Variants in NCBP1 observed in about 807,000 individuals in gnomAD.
NCBP1 encodes the protein nuclear cap binding protein subunit 1, also known as nuclear cap-binding protein subunit 1.
Under a neutral mutation model 111.7 loss-of-function variants are expected in NCBP1, and 16 were observed. The observed-to-expected ratio is 0.14, with a 90% CI of 0.10 to 0.22. The LOEUF (loss-of-function observed/expected upper bound fraction) is 0.22. Among genes scored for constraint, NCBP1 ranks in the 10% least tolerant of loss-of-function variants. The pLI is 1.00. For missense variants in NCBP1, 607 were observed against 957.5 expected (o/e 0.63, Z 4.83); for synonymous variants, 304 against 314.3 (o/e 0.97, Z 0.35).
chr9:97,660,852 A>G (rs1445006342), intron 15 of NCBP1, 94 bp from the exon 16 acceptor site: 9 of 1,428,268 alleles, frequency 6.3e-6, no homozygotes, highest in Non-Finnish European at 6.5e-6. Context: ...GAAAGGAAGA[A>G]TTTAAAAAAA....
intron 19 of NCBP1, 69 bp from the exon 20 acceptor site, chr9:97,666,694 A>C: frequency 9.5e-7 from 1 of 1,052,216 alleles, no homozygotes; most frequent in Non-Finnish European, 1.4e-6. Context: ...GAAATTACAA[A>C]AGTTGAAAGA....
chr9:97,671,439 C>A lies in NCBP1; in HGVS notation c.*240C>A. On this transcript the variant is annotated 3_prime_UTR_variant, in exon 23 of 23. Transcript: ENST00000375147. ...ATTATATATGTGACAGATACAAATTCTCTGTGATCAGTTTGTTATTTTTTT... is the reference window on the plus strand; with the variant it reads ...ATTATATATGTGACAGATACAAATTATCTGTGATCAGTTTGTTATTTTTTT... 1 of 400,362 alleles carries A rather than the reference C, an allele frequency of 2.5e-6. No individual in the cohort carries two copies. The highest frequency in any genetic ancestry group is 4.5e-6 in the Non-Finnish European group (1 of 222,436). The allele number at this position is 400,362 out of a possible 1,614,324, so 24.8% of individuals were successfully genotyped here.
rs1827933506 is a variant in NCBP1, at chr9:97,664,435, C to T, written c.1893C>T (p.Asp631=). The T allele has an allele frequency of 1.3e-6, 2 of 1,596,804 alleles. No homozygotes were observed. The highest frequency in any genetic ancestry group is 1.7e-5 in the Admixed American group (1 of 59,802). Residue 631 remains aspartate (D), a synonymous_variant, in exon 19 of 23, where the codon GAC becomes GAT. Coordinates refer to ENST00000375147, the MANE Select transcript of NCBP1 (RefSeq NM_002486.5). ...NWIFSSELSR[D]FTRLFVWEIL... ...TCTTCTCTTCAGAACTATCTCGTGA[C>T]TTTACCAGGTAATATAAATTATTTT...
Position 97,645,627 on chromosome 9 carries a change from A to G in NCBP1, c.506A>G (p.Tyr169Cys). The G allele has an allele frequency of 6.2e-7, 1 of 1,613,792 alleles. No homozygotes were observed. The highest frequency in any genetic ancestry group is 1.1e-5 in the South Asian group (1 of 91,038). The change falls in exon 6 of 23, where the codon TAT becomes TGT. Residue 169 changes from tyrosine (Y) to cysteine (C), a missense_variant. Transcript: ENST00000375147. ...ATCCTTTAGGTGCGACGAGATTGGTATGTGTATGCATTTCTGTCATCTTTG... is the reference window on the plus strand; with the variant it reads ...ATCCTTTAGGTGCGACGAGATTGGTGTGTGTATGCATTTCTGTCATCTTTG... ...EDVPQVRRDW[Y>C]VYAFLSSLPW...
Position 97,633,837 on chromosome 9 carries a change from GCTTACCGC to G in NCBP1, c.-42_-35del. ...CCAGCGGCCAGACAGTTCCTGCAGC[GCTTACCGC>G]CTGGCCTCTCGGTTCCGCGGCGCAC... On this transcript the variant is annotated 5_prime_UTR_variant, in exon 1 of 23. Transcript: ENST00000375147. 6.4e-7 allele frequency: 1 copy of G among 1,558,624 alleles called. No individual in the cohort carries two copies.
At chr9:97,655,439 AAAT>A (rs1231534527) in intron 12 of NCBP1, among the ~76,000 whole-genome samples, 2 of 152,202 alleles carry the variant, frequency 1.3e-5, no homozygotes, top group African/African-American at 2.4e-5. Context: ...TATATGGAGA[AAAT>A]AATATGTACC....
intron 20 of NCBP1, among the ~76,000 whole-genome samples, chr9:97,668,556 A>G (rs1418212832): frequency 6.6e-6 from 1 of 152,204 alleles, no homozygotes; most frequent in Non-Finnish European, 1.5e-5. Flanking sequence ...CAAATGGTCA[A>G]ATAGTGATAA....
intron 21 of NCBP1, 30 bp from the exon 22 acceptor site, chr9:97,669,563 G>A (rs1229499303): frequency 2.1e-6 from 3 of 1,463,048 alleles, no homozygotes; most frequent in Non-Finnish European, 2.9e-6. Context: ...TCTGTCTGTA[G>A]TACTACCTTA....
intron 17 of NCBP1, among the ~76,000 whole-genome samples, chr9:97,662,681 T>G (rs572989734): frequency 6.6e-6 from 1 of 152,200 alleles, no homozygotes; most frequent in Non-Finnish European, 1.5e-5. Context: ...TATTTCACCA[T>G]GTTTGAAGAC....
intron 14 of NCBP1, among the ~76,000 whole-genome samples, chr9:97,658,397 T>C (rs1362798445): frequency 1.3e-5 from 2 of 152,194 alleles, no homozygotes; most frequent in African/African-American, 4.8e-5. Context: ...CCCCACATAC[T>C]TGGCCACCAG....
Position 97,635,382 on chromosome 9 carries a change from C to G in NCBP1, c.34+1467C>G, listed in dbSNP as rs115435026. 1.5e-3 allele frequency among the ~76,000 whole-genome samples: 225 copies of G among 151,170 alleles called. 1 individual carries two copies. Among genetic ancestry groups the G allele is most frequent in the Admixed American group, 2.3e-3 (35 of 15,200 alleles). On this transcript the variant is annotated intron_variant, in intron 1 of 22. Coordinates refer to ENST00000375147, the MANE Select transcript of NCBP1 (RefSeq NM_002486.5). ...TAACACGAGGTTTCTTGTGTAACCT[C>G]TGTACAAGGCACAGAAAATACAATT...
Position 97,647,507 on chromosome 9 carries a change from T to G in NCBP1, c.627T>G (p.Thr209=). ...TESYLKRRQK[T]HVPMLQVWTA... is the part of the protein sequence containing the mutation. ...TTATCTTTAGAAGACGCCAAAAGAC[T>G]CATGTACCCATGTTACAGGTATGGA... The change falls in exon 7 of 23, where the codon ACT becomes ACG. Residue 209 remains threonine (T), a synonymous_variant. Coordinates refer to ENST00000375147, the MANE Select transcript of NCBP1 (RefSeq NM_002486.5). The G allele has an allele frequency of 6.2e-7, 1 of 1,612,852 alleles. No homozygotes were observed. The highest frequency in any genetic ancestry group is 1.1e-5 in the South Asian group (1 of 91,018).
rs559833314 is a variant in NCBP1, at chr9:97,641,104, A to C, written c.123+222A>C. Among the ~76,000 whole-genome samples the C allele has an allele frequency of 7.9e-5, 12 of 152,258 alleles. No individual in the cohort carries two copies. In the South Asian group the frequency reaches 2.1e-3, roughly 26 times the overall value. The stretch of plus-strand genomic sequence containing the variant: ...TAATTTTCATAGAAGATGAGCCCTT[A>C]GAAGGGACCTAGGGTATAGACCCCT... On this transcript the variant is annotated intron_variant, in intron 2 of 22. Coordinates refer to ENST00000375147, the MANE Select transcript of NCBP1 (RefSeq NM_002486.5).
At chr9:97,638,792 A>G (rs1452339439) in intron 1 of NCBP1, among the ~76,000 whole-genome samples, 2 of 152,160 alleles carry the variant, frequency 1.3e-5, no homozygotes, top group Non-Finnish European at 2.9e-5. Flanking sequence ...TACCCACTAG[A>G]TGCCAGTTGC....
intron 14 of NCBP1, 126 bp from the exon 15 acceptor site, chr9:97,658,514 C>A: frequency 1.4e-6 from 1 of 694,644 alleles, no homozygotes; most frequent in Non-Finnish European, 2.5e-6. Flanking sequence ...TTTTTTTTTC[C>A]CTTTCACTTC....
intron 1 of NCBP1, among the ~76,000 whole-genome samples, chr9:97,634,175 C>T (rs1361584816): frequency 6.6e-6 from 1 of 152,228 alleles, no homozygotes. Context: ...CCCTTGGTCT[C>T]TAAGGATGCT....
intron 20 of NCBP1, among the ~76,000 whole-genome samples, chr9:97,667,154 A>AGAT: frequency 6.6e-6 from 1 of 152,142 alleles, no homozygotes; most frequent in Non-Finnish European, 1.5e-5. Context: ...ACGTTTGCAC[A>AGAT]AGGGAAGTAG....
At chr9:97,665,542 ACT>A (rs1303541806) in intron 19 of NCBP1, among the ~76,000 whole-genome samples, 2 of 152,142 alleles carry the variant, frequency 1.3e-5, no homozygotes, top group South Asian at 2.1e-4. Context: ...AATATTTGTA[ACT>A]CTGCAAACCT....
At chr9:97,658,782 C>T in intron 15 of NCBP1, 39 bp downstream of exon 15, 4 of 1,426,184 alleles carry the variant, frequency 2.8e-6, no homozygotes, top group Middle Eastern at 1.7e-4. Context: ...TTAAAAGGTA[C>T]CAGTTCAAGT....
Sources: gnomAD v4.1 joint callset for allele counts (sites outside exome capture counted in the v4.1 genomes callset) on GRCh38, gnomAD v4.1.1 for gene constraint, MANE v1.5 for transcripts, NCBI Gene and HGNC (gene_info 2026-07-23, HGNC 2026-07-21) for gene names.